UNC13C: variants seen among roughly 807,000 people sequenced by gnomAD.
UNC13C encodes the protein unc-13 homolog C.
UNC13C carries 174 observed loss-of-function variants against 245.4 expected under a neutral mutation model. That is an observed-to-expected ratio of 0.71 (90% CI 0.63 to 0.80). UNC13C has a LOEUF of 0.80. Among genes scored for constraint, UNC13C ranks in the 30% least tolerant of loss-of-function variants. UNC13C has a pLI of 0.00. For synonymous variants in UNC13C, 992 were observed against 895.1 expected, an observed-to-expected ratio of 1.11 and a Z score of -1.93; for missense variants, 2,829 against 2,602.9, an observed-to-expected ratio of 1.09 and a Z score of -1.89.
intron 4 of UNC13C, among the ~76,000 whole-genome samples, chr15:54,170,551 G>GT (rs2033358943): frequency 6.6e-6 from 1 of 151,908 alleles, no homozygotes; most frequent in Non-Finnish European, 1.5e-5. Context: ...ATTAGTAAGT[G>GT]TTTTTTTATT....
chr15:54,600,332 G>A (rs747348268), intron 30 of UNC13C, among the ~76,000 whole-genome samples: 10 of 152,060 alleles, frequency 6.6e-5, no homozygotes, highest in Non-Finnish European at 1.3e-4. Context: ...GATTTTAATG[G>A]AGGCATATGA....
intron 19 of UNC13C, among the ~76,000 whole-genome samples, chr15:54,493,864 C>T (rs927455298): frequency 2.0e-5 from 3 of 151,994 alleles, no homozygotes; most frequent in African/African-American, 7.2e-5. Flanking sequence ...AATAGCTTAA[C>T]AACTGTGATA....
At position 54,596,510 on chromosome 15, in the gene UNC13C, C is replaced by T. The variant is rs1317963792; in HGVS notation, c.6107-25817C>T. ...TAAGCATATGCACACACACGTACAA[C>T]AATAACTCAAGAGGCCAAATGAGAG... is the stretch of plus-strand genomic sequence containing the variant. On this transcript the variant is annotated intron_variant, in intron 30 of 32. Transcript: ENST00000260323. Among the ~76,000 whole-genome samples, 4 of 152,134 alleles carry T rather than the reference C, an allele frequency of 2.6e-5. No homozygotes were observed. The East Asian group carries it at 5.8e-4, about 22-fold the overall frequency.
intron 4 of UNC13C, among the ~76,000 whole-genome samples, chr15:54,232,373 T>G (rs1422502492): frequency 4.6e-5 from 7 of 152,168 alleles, no homozygotes; most frequent in Admixed American, 4.6e-4. Flanking sequence ...TCTGCAGTGC[T>G]CATATTTGTC....
intron 19 of UNC13C, among the ~76,000 whole-genome samples, chr15:54,467,288 G>C (rs1033380868): frequency 3.3e-5 from 5 of 151,636 alleles, no homozygotes; most frequent in African/African-American, 1.2e-4. Context: ...AACTAATTAT[G>C]ATAATGATGG....
rs190047143 is a variant in UNC13C, at chr15:54,313,919, A to G, written c.4269-8020A>G. On this transcript the variant is annotated intron_variant, in intron 13 of 32. Transcript: ENST00000260323. Reference sequence around the variant, plus strand: ...GGTGAATGTATTGAGAAAATGTACTATGTACTCACAATGGAATACTTTTAG... The same window carrying G: ...GGTGAATGTATTGAGAAAATGTACTGTGTACTCACAATGGAATACTTTTAG... Among the ~76,000 whole-genome samples the G allele has an allele frequency of 3.1e-4, 47 of 151,210 alleles. 1 individual carries two copies. The highest frequency in any genetic ancestry group is 1.1e-3 in the African/African-American group (46 of 41,024).
At chr15:54,390,666 G>T (rs2039935081) in intron 17 of UNC13C, among the ~76,000 whole-genome samples, 1 of 151,874 alleles carries the variant, frequency 6.6e-6, no homozygotes, top group Admixed American at 6.6e-5. Flanking sequence ...TAATGTTTCA[G>T]TCAATATGAA....
At chr15:54,405,234 T>C (rs1215444163) in intron 18 of UNC13C, among the ~76,000 whole-genome samples, 1 of 152,154 alleles carries the variant, frequency 6.6e-6, no homozygotes, top group Non-Finnish European at 1.5e-5. Flanking sequence ...TTTGAAGAGA[T>C]TACTCACTGC....
intron 26 of UNC13C, among the ~76,000 whole-genome samples, chr15:54,534,203 G>T (rs904993032): frequency 6.6e-6 from 1 of 152,010 alleles, no homozygotes; most frequent in Non-Finnish European, 1.5e-5. Context: ...GAACACCTTC[G>T]CCCCTCCAGT....
chr15:53,839,070 T>C, the UNC13C span, among the ~76,000 whole-genome samples: 2 of 151,954 alleles, frequency 1.3e-5, no homozygotes, highest in African/African-American at 4.8e-5. Context: ...AAATATCGTA[T>C]ATATGTGTTT....
chr15:54,014,508 G>C lies in UNC13C; in HGVS notation c.1605G>C (p.Trp535Cys). Residue 535 changes from tryptophan to cysteine, a missense_variant, in exon 2 of 33, where the codon TGG (tryptophan) becomes TGC (cysteine). Coordinates refer to ENST00000260323, the MANE Select transcript of UNC13C (RefSeq NM_001080534.3). ...TTHYADATPL[W>C]HSQSDFFTAK... Reference sequence around the variant, plus strand: ...ATTATGCAGATGCAACACCTCTCTGGCACTCACAGAGTGATTTTTTCACTG... The same window carrying C: ...ATTATGCAGATGCAACACCTCTCTGCCACTCACAGAGTGATTTTTTCACTG... 6.2e-7 allele frequency: 1 copy of C among 1,613,798 alleles called. No individual in the cohort carries two copies. Among genetic ancestry groups the C allele is most frequent in the Non-Finnish European group, 8.5e-7 (1 of 1,179,820 alleles).
At chr15:54,217,347 T>G (rs1025286873) in intron 4 of UNC13C, among the ~76,000 whole-genome samples, 3 of 151,736 alleles carry the variant, frequency 2.0e-5, no homozygotes, top group South Asian at 4.1e-4. Flanking sequence ...CAACCAAGGA[T>G]CAGTAGAGGA....
chr15:54,417,079 T>C (rs1449387336), intron 19 of UNC13C: 2 of 398,850 alleles, frequency 5.0e-6, no homozygotes, highest in Admixed American at 6.5e-5. Context: ...AACAACTGAT[T>C]TTATTTGTTT....
intron 2 of UNC13C, among the ~76,000 whole-genome samples, chr15:54,077,695 T>C (rs1339589338): frequency 6.6e-6 from 1 of 152,096 alleles, no homozygotes; most frequent in African/African-American, 2.4e-5. Context: ...TTGGCACAAA[T>C]AGATGCTGTT....
intron 19 of UNC13C, among the ~76,000 whole-genome samples, chr15:54,467,427 A>G (rs2141036772): frequency 6.6e-6 from 1 of 151,838 alleles, no homozygotes; most frequent in African/African-American, 2.4e-5. Context: ...AGTTTTCATC[A>G]ATTTTATTAT....
the UNC13C span, among the ~76,000 whole-genome samples, chr15:53,927,817 G>A: frequency 2.6e-5 from 4 of 152,186 alleles, no homozygotes; most frequent in African/African-American, 9.7e-5. Flanking sequence ...GGCATAAACT[G>A]AGAAGAGCAG....
intron 19 of UNC13C, among the ~76,000 whole-genome samples, chr15:54,463,091 C>G (rs923839025): frequency 6.6e-6 from 1 of 151,586 alleles, no homozygotes; most frequent in Non-Finnish European, 1.5e-5. Context: ...CTAGTGGGGA[C>G]TTGGAGAACT....
At chr15:54,367,983 G>A (rs374766555) in intron 17 of UNC13C, among the ~76,000 whole-genome samples, 5 of 152,094 alleles carry the variant, frequency 3.3e-5, no homozygotes, top group East Asian at 1.9e-4. Context: ...AAATGGCGAC[G>A]TTCATATTGT....
At chr15:54,408,219 A>AAAAAAAC (rs2040345722) in intron 18 of UNC13C, among the ~76,000 whole-genome samples, 2 of 148,534 alleles carry the variant, frequency 1.3e-5, no homozygotes, top group Non-Finnish European at 3.0e-5. Flanking sequence ...AAAAAAAAAA[A>AAAAAAAC]AAAAAAAAAA....
Sources: gnomAD v4.1 joint callset for allele counts (sites outside exome capture counted in the v4.1 genomes callset) on GRCh38, gnomAD v4.1.1 for gene constraint, MANE v1.5 for transcripts, NCBI Gene and HGNC (gene_info 2026-07-23, HGNC 2026-07-21) for gene names.